GABRB1: variants seen among roughly 807,000 people sequenced by gnomAD.
GABRB1 encodes gamma-aminobutyric acid receptor subunit beta-1.
Under a neutral mutation model 51.6 loss-of-function variants are expected in GABRB1, and 17 were observed. That is an observed-to-expected ratio of 0.33 (90% CI 0.23 to 0.49). The LOEUF (loss-of-function observed/expected upper bound fraction) is 0.49. GABRB1 is among the 20% of genes least tolerant of loss of function. GABRB1 has a pLI of 0.99. For synonymous variants in GABRB1, 247 were observed against 218.9 expected, an observed-to-expected ratio of 1.13 and a Z score of -1.14; for missense variants, 410 against 600.6, an observed-to-expected ratio of 0.68 and a Z score of 3.32.
chr4:47,348,614 C>G (rs1211416433), intron 5 of GABRB1, among the ~76,000 whole-genome samples: 2 of 152,158 alleles, frequency 1.3e-5, no homozygotes, highest in Admixed American at 6.5e-5. Context: ...ACTTCTGGTT[C>G]CAAACAATTC....
chr4:47,410,009 CTGTT>C (rs767821599), intron 8 of GABRB1, among the ~76,000 whole-genome samples: 41 of 152,266 alleles, frequency 2.7e-4, no homozygotes, highest in Non-Finnish European at 4.6e-4. Flanking sequence ...CATAAACAGG[CTGTT>C]TGAGTAACAT....
Position 46,994,578 on chromosome 4 carries a change from A to G in GABRB1, c.-20+652A>G, listed in dbSNP as rs528549822. On this transcript the variant is annotated intron_variant, in intron 1 of 3. Transcript: ENST00000513567. ...GGAGAGAAAGGATACATAAATTAAA[A>G]TGGAGGGGGACAAATATTAGTTCCC... Among the ~76,000 whole-genome samples the G allele has an allele frequency of 3.9e-5, 6 of 152,098 alleles. No homozygotes were observed. In the East Asian group the frequency reaches 1.2e-3, roughly 30 times the overall value.
chr4:47,183,537 G>A (rs1365555427), intron 4 of GABRB1, among the ~76,000 whole-genome samples: 1 of 151,524 alleles, frequency 6.6e-6, no homozygotes, highest in Non-Finnish European at 1.5e-5. Flanking sequence ...TCCTTTAAAA[G>A]CATGACCTAT....
At chr4:47,248,860 T>A (rs1297629368) in intron 4 of GABRB1, among the ~76,000 whole-genome samples, 1 of 152,110 alleles carries the variant, frequency 6.6e-6, no homozygotes, top group Non-Finnish European at 1.5e-5. Context: ...ATATCTCCTG[T>A]TACTTTTCTT....
intron 4 of GABRB1, among the ~76,000 whole-genome samples, chr4:47,301,023 C>A (rs1186071205): frequency 6.6e-6 from 1 of 152,088 alleles, no homozygotes; most frequent in Non-Finnish European, 1.5e-5. Context: ...CCAGTCATTG[C>A]TGTCACCAAT....
intron 4 of GABRB1, among the ~76,000 whole-genome samples, chr4:47,208,900 A>G (rs1218128807): frequency 1.3e-5 from 2 of 152,084 alleles, no homozygotes; most frequent in East Asian, 1.9e-4. Flanking sequence ...ATCAGTGTTA[A>G]AAGCTAAATA....
chr4:47,243,962 A>C (rs941884528), intron 4 of GABRB1, among the ~76,000 whole-genome samples: 5 of 152,134 alleles, frequency 3.3e-5, no homozygotes, highest in Non-Finnish European at 7.4e-5. Context: ...GTCTTGTGCC[A>C]GTTTTCAAAG....
intron 4 of GABRB1, among the ~76,000 whole-genome samples, chr4:47,253,141 G>C (rs1174157885): frequency 6.6e-6 from 1 of 152,166 alleles, no homozygotes; most frequent in Non-Finnish European, 1.5e-5. Context: ...TTGAAGCAAG[G>C]CAGTGTGCCT....
chr4:47,393,555 T>G (rs578155149), intron 5 of GABRB1, among the ~76,000 whole-genome samples: 1 of 152,318 alleles, frequency 6.6e-6, no homozygotes, highest in South Asian at 2.1e-4. Flanking sequence ...GTTGAGGATT[T>G]TGTGGTGTTC....
chr4:47,021,987 T>C (rs1338506044), intron 1 of GABRB1, among the ~76,000 whole-genome samples: 1 of 152,110 alleles, frequency 6.6e-6, no homozygotes, highest in Non-Finnish European at 1.5e-5. Flanking sequence ...ATGGCTTATT[T>C]AAAATATCTT....
chr4:47,028,815 G>A (rs796735754), upstream of GABRB1, among the ~76,000 whole-genome samples: 9 of 145,658 alleles, frequency 6.2e-5, no homozygotes, highest in Non-Finnish European at 7.5e-5. Context: ...GTATATATAT[G>A]TATATATGGT....
At chr4:47,103,927 A>C (rs561627355) in intron 3 of GABRB1, among the ~76,000 whole-genome samples, 2 of 151,978 alleles carry the variant, frequency 1.3e-5, no homozygotes, top group Admixed American at 1.3e-4. Context: ...AGTTAAAAAT[A>C]AGATAAAAAA....
At chr4:47,060,726 A>T (rs1325922227) in intron 3 of GABRB1, among the ~76,000 whole-genome samples, 1 of 152,142 alleles carries the variant, frequency 6.6e-6, no homozygotes, top group Non-Finnish European at 1.5e-5. Context: ...ATATTAATGA[A>T]TTCAGCAGCC....
intron 4 of GABRB1, among the ~76,000 whole-genome samples, chr4:47,256,610 G>T (rs1411488985): frequency 1.3e-5 from 2 of 152,144 alleles, no homozygotes; most frequent in Non-Finnish European, 2.9e-5. Context: ...GCATGGCTAG[G>T]GAGGCCTCAG....
chr4:47,270,392 C>G (rs1020786849), intron 4 of GABRB1, among the ~76,000 whole-genome samples: 1 of 152,106 alleles, frequency 6.6e-6, no homozygotes, highest in Non-Finnish European at 1.5e-5. Flanking sequence ...CCTGCAGGAG[C>G]CTTTCAGAGC....
intron 3 of GABRB1, among the ~76,000 whole-genome samples, chr4:47,120,953 C>T (rs1715750227): frequency 6.6e-6 from 1 of 152,176 alleles, no homozygotes; most frequent in Non-Finnish European, 1.5e-5. Context: ...GGGGCACAAG[C>T]TGCCCTGGCT....
intron 1 of GABRB1, among the ~76,000 whole-genome samples, chr4:47,004,128 A>G (rs1488690367): frequency 1.3e-5 from 2 of 151,984 alleles, no homozygotes; most frequent in Admixed American, 6.6e-5. Flanking sequence ...AGCTGGGACT[A>G]CAGGCGCGTC....
chr4:47,023,241 G>A (rs1022984143), intron 1 of GABRB1, among the ~76,000 whole-genome samples: 9 of 151,968 alleles, frequency 5.9e-5, no homozygotes, highest in Non-Finnish European at 8.8e-5. Flanking sequence ...CAGAAAAAAT[G>A]ATGAGACTTA....
intron 4 of GABRB1, among the ~76,000 whole-genome samples, chr4:47,182,165 G>C (rs142414816): frequency 6.6e-6 from 1 of 151,830 alleles, no homozygotes; most frequent in Non-Finnish European, 1.5e-5. Flanking sequence ...GAGGTTAAAA[G>C]GATTTGTTCT....
Sources: allele counts gnomAD v4.1 joint callset (sites outside exome capture counted in the v4.1 genomes callset), GRCh38; gene constraint gnomAD v4.1.1; transcripts MANE v1.5; gene names NCBI Gene and HGNC (gene_info 2026-07-23, HGNC 2026-07-21).